The following ALK variants were observed in gnomAD, a reference collection of about 807,000 sequenced individuals.
ALK encodes ALK tyrosine kinase receptor.
A neutral mutation model predicts 163.1 loss-of-function variants in ALK; 74 were observed. That is an observed-to-expected ratio of 0.45 (90% CI 0.38 to 0.55). The LOEUF is 0.55. Among genes scored for constraint, ALK ranks in the 20% least tolerant of loss-of-function variants. The pLI is 0.00. For missense variants in ALK, 2,063 were observed against 2,105.3 expected (o/e 0.98, Z 0.39); for synonymous variants, 960 against 843.2 (o/e 1.14, Z -2.40).
intron 4 of ALK, among the ~76,000 whole-genome samples, chr2:29,449,985 G>A (rs1462273983): frequency 1.3e-5 from 2 of 152,164 alleles, no homozygotes; most frequent in Non-Finnish European, 2.9e-5. Context: ...TGGGCACATG[G>A]CATTGGAGGA....
At chr2:29,555,731 G>A (rs1271711350) in intron 3 of ALK, among the ~76,000 whole-genome samples, 1 of 152,178 alleles carries the variant, frequency 6.6e-6, no homozygotes, top group African/African-American at 2.4e-5. Flanking sequence ...CATCCTAATG[G>A]CTGCAGGTAG....
chr2:29,193,503 G>A lies in ALK; in HGVS notation c.4584C>T (p.His1528=), dbSNP rs746470148. Residue 1528 remains histidine (H), a synonymous_variant, in exon 29 of 29, where the codon CAC becomes CAT. Coordinates refer to ENST00000389048, the MANE Select transcript of ALK (RefSeq NM_004304.5). The stretch of plus-strand genomic sequence containing the variant: ...CCTCCAGCCCCAGGTTACCCCTGTC[G>A]TGTGGCTCCTTCTTTGCTATAGGAT... ...KNNPIAKKEP[H]DRGNLGLEGS... is the part of the protein sequence containing the mutation. 19 of 1,614,052 alleles carry A rather than the reference G, an allele frequency of 1.2e-5. No individual in the cohort carries two copies. The East Asian group carries it at 2.0e-4, about 17-fold the overall frequency.
At chr2:29,633,863 C>A (rs576115613) in intron 3 of ALK, among the ~76,000 whole-genome samples, 3 of 152,146 alleles carry the variant, frequency 2.0e-5, no homozygotes, top group Non-Finnish European at 2.9e-5. Context: ...ACAAGTCAAC[C>A]AATATGAAAT....
At chr2:29,506,504 T>C (rs1035485846) in intron 4 of ALK, among the ~76,000 whole-genome samples, 2 of 152,140 alleles carry the variant, frequency 1.3e-5, no homozygotes, top group African/African-American at 4.8e-5. Flanking sequence ...CCCAGCACTT[T>C]GGGAGGCCGA....
intron 4 of ALK, among the ~76,000 whole-genome samples, chr2:29,505,020 T>C (rs1053850742): frequency 3.3e-5 from 5 of 152,128 alleles, no homozygotes; most frequent in Admixed American, 1.3e-4. Flanking sequence ...CCCAGACTAC[T>C]TGTGGCCTGT....
At chr2:29,645,914 C>A (rs1414795147) in intron 3 of ALK, among the ~76,000 whole-genome samples, 4 of 152,156 alleles carry the variant, frequency 2.6e-5, no homozygotes, top group Non-Finnish European at 5.9e-5. Flanking sequence ...TGGGGACCAG[C>A]CTTTGGTCTT....
At position 29,298,662 on chromosome 2, in the gene ALK, C is replaced by A. The variant is rs141535598; in HGVS notation, c.1648-1605G>T. Among the ~76,000 whole-genome samples, 39 of 152,338 alleles carry A rather than the reference C, an allele frequency of 2.6e-4. No individual in the cohort carries two copies. In the East Asian group the frequency reaches 6.4e-3, roughly 25 times the overall value. Reference sequence around the variant, plus strand: ...TGACACTCTCACCCCCTGGTTCCCACCTCCTAATCCACTGATTTGATTTCT... The same window carrying A: ...TGACACTCTCACCCCCTGGTTCCCAACTCCTAATCCACTGATTTGATTTCT... On this transcript the variant is annotated intron_variant, in intron 8 of 28. Transcript: ENST00000389048.
intron 1 of ALK, chr2:29,890,775 C>T (rs926619220): frequency 6.6e-6 from 1 of 152,232 alleles, no homozygotes; most frequent in Admixed American, 6.5e-5. Context: ...GGTAGCTAAC[C>T]GTTCCCTTGC....
At chr2:29,572,516 G>GC (rs1258622948) in intron 3 of ALK, among the ~76,000 whole-genome samples, 1 of 152,068 alleles carries the variant, frequency 6.6e-6, no homozygotes, top group Admixed American at 6.5e-5. Flanking sequence ...TGCCTGGTAT[G>GC]CCCCCCTGAC....
intron 26 of ALK, among the ~76,000 whole-genome samples, chr2:29,205,168 G>A (rs1669280355): frequency 6.6e-6 from 1 of 152,114 alleles, no homozygotes; most frequent in South Asian, 2.1e-4. Flanking sequence ...TGATCTTTTG[G>A]AGGATATTAT....
rs567288045 is a variant in ALK, at chr2:29,898,283, C to CA, written c.667+21709dup. Reference sequence around the variant, plus strand: ...TACGGGGAAAGGCCACATTCCTAAACAAAAATAGAAGAAAGGGTTTGTTTG... The same window carrying CA: ...TACGGGGAAAGGCCACATTCCTAAACAAAAAATAGAAGAAAGGGTTTGTTTG... On this transcript the variant is annotated intron_variant, in intron 1 of 28. Transcript: ENST00000389048. Among the ~76,000 whole-genome samples the CA allele has an allele frequency of 2.5e-3, 385 of 152,240 alleles. 3 individuals carry two copies. The highest frequency in any genetic ancestry group is 8.9e-3 in the African/African-American group (371 of 41,540).
At chr2:29,554,985 G>A (rs537738194) in intron 3 of ALK, among the ~76,000 whole-genome samples, 58 of 152,220 alleles carry the variant, frequency 3.8e-4, no homozygotes, top group Middle Eastern at 3.4e-3. Context: ...TCTAAAAAGG[G>A]GAAGCATGAA....
chr2:29,481,283 T>A (rs1453428077), intron 4 of ALK, among the ~76,000 whole-genome samples: 1 of 152,220 alleles, frequency 6.6e-6, no homozygotes, highest in Non-Finnish European at 1.5e-5. Context: ...ACGGTAAGAA[T>A]TCATTAAATT....
intron 3 of ALK, among the ~76,000 whole-genome samples, chr2:29,671,230 C>A (rs752740539): frequency 6.6e-6 from 1 of 151,972 alleles, no homozygotes; most frequent in Non-Finnish European, 1.5e-5. Context: ...TTCACCTCTG[C>A]GCTAATAAAT....
intron 9 of ALK, among the ~76,000 whole-genome samples, chr2:29,290,243 C>T (rs943286830): frequency 6.6e-6 from 1 of 152,192 alleles, no homozygotes. Context: ...TAGGGAATGA[C>T]ATCTACCCTA....
intron 1 of ALK, among the ~76,000 whole-genome samples, chr2:29,776,561 AG>A (rs1681182567): frequency 6.6e-6 from 1 of 152,176 alleles, no homozygotes; most frequent in Admixed American, 6.5e-5. Flanking sequence ...TTGAATGTAT[AG>A]TTAGCTTATT....
chr2:29,745,439 T>C (rs1287711454), intron 1 of ALK, among the ~76,000 whole-genome samples: 1 of 152,160 alleles, frequency 6.6e-6, no homozygotes, highest in Non-Finnish European at 1.5e-5. Context: ...CCCTCCACCA[T>C]ATATAATAAA....
At chr2:29,484,881 T>A (rs932678636) in intron 4 of ALK, among the ~76,000 whole-genome samples, 4 of 149,522 alleles carry the variant, frequency 2.7e-5, no homozygotes, top group African/African-American at 1.0e-4. Context: ...GTTATTTTTG[T>A]TGTTGTTGCT....
At position 29,594,412 on chromosome 2, in the gene ALK, A is replaced by T. The variant is rs546806641; in HGVS notation, c.953-62296T>A. Among the ~76,000 whole-genome samples, 84 of 151,178 alleles carry T rather than the reference A, an allele frequency of 5.6e-4. 1 individual carries two copies. The highest frequency in any genetic ancestry group is 1.7e-3 in the African/African-American group (70 of 41,036). On this transcript the variant is annotated intron_variant, in intron 3 of 28. Coordinates refer to ENST00000389048, the MANE Select transcript of ALK (RefSeq NM_004304.5). ...CTATGAGTATAGACAAACAGTACAA[A>T]TAAGGTCTCCTCACTTTTTTTTTTT...
Sources: allele counts gnomAD v4.1 joint callset (sites outside exome capture counted in the v4.1 genomes callset), GRCh38; gene constraint gnomAD v4.1.1; transcripts MANE v1.5; gene names NCBI Gene and HGNC (gene_info 2026-07-23, HGNC 2026-07-21).